The following PPP1R12A variants were observed in gnomAD, a reference collection of about 807,000 sequenced individuals.
The protein encoded by PPP1R12A is myosin binding subunit.
A neutral mutation model predicts 139.6 loss-of-function variants in PPP1R12A; 19 were observed. That is an observed-to-expected ratio of 0.14 (90% confidence interval 0.09 to 0.20). PPP1R12A has a LOEUF of 0.20. Among genes scored for constraint, PPP1R12A ranks in the 10% least tolerant of loss-of-function variants. PPP1R12A has a pLI of 1.00. For synonymous variants in PPP1R12A, 427 were observed against 420.6 expected (o/e 1.02, Z -0.19); for missense variants, 925 against 1,211.5 (o/e 0.76, Z 3.51).
intron 9 of PPP1R12A, 116 bp from the exon 10 acceptor site, chr12:79,810,126 A>G: frequency 1.2e-6 from 1 of 856,188 alleles, no homozygotes; most frequent in Non-Finnish European, 1.7e-6. Context: ...TTACAGTTTC[A>G]GGATAAAACA....
chr12:79,875,520 T>C (rs1883013942), intron 1 of PPP1R12A, among the ~76,000 whole-genome samples: 1 of 152,208 alleles, frequency 6.6e-6, no homozygotes, highest in South Asian at 2.1e-4. Flanking sequence ...CTATCTATGA[T>C]AAACAACTAA....
chr12:79,799,633 C>T (rs929390124), intron 14 of PPP1R12A, among the ~76,000 whole-genome samples: 10 of 152,312 alleles, frequency 6.6e-5, no homozygotes, highest in African/African-American at 2.4e-4. Flanking sequence ...TTTATCCTCA[C>T]TAAATTTCTT....
chr12:79,887,511 ACT>A lies in PPP1R12A; in HGVS notation c.238-14575_238-14574del, dbSNP rs1884216480. Among the ~76,000 whole-genome samples, 4 of 152,302 alleles carry A rather than the reference ACT, an allele frequency of 2.6e-5. No individual in the cohort carries two copies. The East Asian group carries it at 7.7e-4, about 29-fold the overall frequency. ...CAGCGATATAGCGAAATAAAGGAAAACTCAATATGTGAATGGAAATAAGTTAT... is the reference window on the plus strand; with the variant it reads ...CAGCGATATAGCGAAATAAAGGAAAACAATATGTGAATGGAAATAAGTTAT... On this transcript the variant is annotated intron_variant, in intron 1 of 24. Coordinates refer to ENST00000450142, the MANE Select transcript of PPP1R12A (RefSeq NM_002480.3).
At chr12:79,889,586 T>C (rs920574445) in intron 1 of PPP1R12A, among the ~76,000 whole-genome samples, 31 of 152,186 alleles carry the variant, frequency 2.0e-4, no homozygotes, top group Admixed American at 3.3e-4. Context: ...TCTGCACTGG[T>C]TCTAAACTTT....
At chr12:79,879,233 AGC>A (rs1883398618) in intron 1 of PPP1R12A, among the ~76,000 whole-genome samples, 1 of 152,068 alleles carries the variant, frequency 6.6e-6, no homozygotes, top group South Asian at 2.1e-4. Context: ...TACAAAAATT[AGC>A]CAGGCACGGT....
rs1329954738 is a variant in PPP1R12A, at chr12:79,797,342, A to G, written c.2145T>C (p.Arg715=). The G allele has an allele frequency of 6.2e-7, 1 of 1,602,868 alleles. No homozygotes were observed. Residue 715 remains arginine, a synonymous_variant, in exon 16 of 25, where the codon CGT becomes CGC. Coordinates refer to ENST00000450142, the MANE Select transcript of PPP1R12A (RefSeq NM_002480.3). ...TTTCTTGTTCTCTGGTTCGGGTAGAACGACTTCTTCCTATTGTTTTCTCAG... is the reference window on the plus strand; with the variant it reads ...TTTCTTGTTCTCTGGTTCGGGTAGAGCGACTTCTTCCTATTGTTTTCTCAG... The part of the protein sequence containing the change: ...QEAEKTIGRS[R]STRTREQENE...
chr12:79,842,095 G>A (rs78289948), intron 3 of PPP1R12A, among the ~76,000 whole-genome samples: 4,097 of 152,074 alleles, frequency 0.027, 164 homozygotes, highest in African/African-American at 0.09. Context: ...CAAGATAGGT[G>A]GACTGCTTGA....
At chr12:79,905,638 A>G (rs1287944095) in intron 1 of PPP1R12A, among the ~76,000 whole-genome samples, 5 of 152,138 alleles carry the variant, frequency 3.3e-5, no homozygotes, top group South Asian at 2.1e-4. Flanking sequence ...TATCATAACT[A>G]TCTTTCCAAT....
At chr12:79,893,954 C>T (rs1424147297) in intron 1 of PPP1R12A, among the ~76,000 whole-genome samples, 1 of 152,104 alleles carries the variant, frequency 6.6e-6, no homozygotes, top group Non-Finnish European at 1.5e-5. Flanking sequence ...TGAATGTTCA[C>T]CTCATTATCA....
chr12:79,790,609 T>A, intron 19 of PPP1R12A, 126 bp from the exon 20 acceptor site: 1 of 613,020 alleles, frequency 1.6e-6, no homozygotes, highest in Non-Finnish European at 2.7e-6. Context: ...CTAAGGTTCT[T>A]TATGCATAAC....
chr12:79,794,620 T>C (rs558260142), intron 18 of PPP1R12A, among the ~76,000 whole-genome samples: 4 of 151,864 alleles, frequency 2.6e-5, no homozygotes, highest in Non-Finnish European at 4.4e-5. Context: ...AGAAAAGATA[T>C]ATTATACAAA....
At chr12:79,776,107 C>A in intron 24 of PPP1R12A, 92 bp from the exon 25 acceptor site, 1 of 787,474 alleles carries the variant, frequency 1.3e-6, no homozygotes, top group Non-Finnish European at 2.0e-6. Context: ...CACCACAAAA[C>A]ACATGATCAA....
chr12:79,880,157 T>C (rs1273876574), intron 1 of PPP1R12A, among the ~76,000 whole-genome samples: 3 of 152,142 alleles, frequency 2.0e-5, no homozygotes, highest in Non-Finnish European at 2.9e-5. Flanking sequence ...TAAAATATAG[T>C]TGGATAGTCC....
At chr12:79,777,596 C>T (rs971220794) in intron 24 of PPP1R12A, 2 of 985,138 alleles carry the variant, frequency 2.0e-6, no homozygotes, top group African/African-American at 3.5e-5. Context: ...TATTCTCAGT[C>T]AGCAGTCGCT....
intron 2 of PPP1R12A, among the ~76,000 whole-genome samples, chr12:79,856,929 A>T (rs920042821): frequency 1.3e-5 from 2 of 152,228 alleles, no homozygotes; most frequent in Admixed American, 1.3e-4. Flanking sequence ...AGTTTTAACA[A>T]AGAAATGGTA....
At chr12:79,856,559 G>A (rs1218695845) in intron 2 of PPP1R12A, among the ~76,000 whole-genome samples, 1 of 152,172 alleles carries the variant, frequency 6.6e-6, no homozygotes, top group Non-Finnish European at 1.5e-5. Flanking sequence ...TCCGTAATGT[G>A]TTATCTAAGA....
At chr12:79,776,124 T>C (rs1869687951) in intron 24 of PPP1R12A, 109 bp from the exon 25 acceptor site, 1 of 670,052 alleles carries the variant, frequency 1.5e-6, no homozygotes, top group Non-Finnish European at 2.4e-6. Context: ...TCAAGCTTTG[T>C]CAGTTATATA....
chr12:79,935,044 A>G lies in PPP1R12A; in HGVS notation c.-113T>C, dbSNP rs1888563603. On this transcript the variant is annotated 5_prime_UTR_variant, in exon 1 of 25. Coordinates refer to ENST00000450142, the MANE Select transcript of PPP1R12A (RefSeq NM_002480.3). Reference sequence around the variant, plus strand: ...TGTTTCTATGAGTGCGGGCCAGAGGAGGGCTGGGAACCCGGAGCCGACGCT... The same window carrying G: ...TGTTTCTATGAGTGCGGGCCAGAGGGGGGCTGGGAACCCGGAGCCGACGCT... 1 of 1,413,602 alleles carries G rather than the reference A, an allele frequency of 7.1e-7. No homozygotes were observed. Among genetic ancestry groups the G allele is most frequent in the Admixed American group, 3.0e-5 (1 of 33,804 alleles). 87.6% of individuals were successfully genotyped at this position (1,413,602 alleles called of 1,614,324 possible).
intron 2 of PPP1R12A, among the ~76,000 whole-genome samples, chr12:79,855,979 C>T (rs1436784399): frequency 2.0e-5 from 3 of 152,008 alleles, no homozygotes; most frequent in East Asian, 1.9e-4. Flanking sequence ...ATCATTAGCA[C>T]CACCTTTGAT....
Sources: gnomAD v4.1 joint callset for allele counts (sites outside exome capture counted in the v4.1 genomes callset) on GRCh38, gnomAD v4.1.1 for gene constraint, MANE v1.5 for transcripts, NCBI Gene and HGNC (gene_info 2026-07-23, HGNC 2026-07-21) for gene names.